PALM2AKAP2: variants seen among roughly 807,000 people sequenced by gnomAD.
PALM2AKAP2 encodes PALM2-AKAP2 fusion protein.
In PALM2AKAP2, 37 loss-of-function variants were observed where a neutral mutation model predicts 71.5. The observed-to-expected ratio is 0.52, with a 90% CI of 0.40 to 0.68. The LOEUF is 0.68. Among genes scored for constraint, PALM2AKAP2 ranks in the 30% least tolerant of loss-of-function variants. The probability of loss-of-function intolerance (pLI) is 0.00; values close to 1 mark genes in which losing one functional copy is unlikely to be tolerated. For synonymous variants in PALM2AKAP2, 468 were observed against 478.8 expected, an observed-to-expected ratio of 0.98 and a Z score of 0.29; for missense variants, 1,224 against 1,191.8, an observed-to-expected ratio of 1.03 and a Z score of -0.40.
intron 6 of PALM2AKAP2, among the ~76,000 whole-genome samples, chr9:109,972,686 C>T (rs1302954244): frequency 6.6e-6 from 1 of 152,204 alleles, no homozygotes; most frequent in Non-Finnish European, 1.5e-5. Flanking sequence ...ATGACCCCAC[C>T]ACCAGTCTGC....
chr9:109,990,198 C>T lies in PALM2AKAP2; in HGVS notation c.497-25756C>T, dbSNP rs111803082. Among the ~76,000 whole-genome samples the T allele has an allele frequency of 6.2e-3, 935 of 151,158 alleles. 7 individuals are homozygous for T. Among genetic ancestry groups the T allele is most frequent in the African/African-American group, 0.021 (852 of 41,332 alleles). ...GTGATTCTCGTGCCTCAGCCTCCCA[C>T]GTAACTGGGGTTATAGAGCCCAGCT... On this transcript the variant is annotated intron_variant, in intron 6 of 9. Transcript: ENST00000302798.
At chr9:109,950,534 G>A (rs1831612508) in intron 6 of PALM2AKAP2, among the ~76,000 whole-genome samples, 2 of 152,100 alleles carry the variant, frequency 1.3e-5, no homozygotes, top group Non-Finnish European at 2.9e-5. Flanking sequence ...GGCTAACAGA[G>A]TTGTCATGTC....
intron 6 of PALM2AKAP2, among the ~76,000 whole-genome samples, chr9:109,999,863 G>A (rs537652849): frequency 2.6e-5 from 4 of 152,114 alleles, no homozygotes; most frequent in Non-Finnish European, 5.9e-5. Flanking sequence ...AGGAGGAGCT[G>A]GCAGCAGAAG....
chr9:109,770,757 CACATCTAGAAGGATATAGGTGTCA>C, intron 1 of PALM2AKAP2, among the ~76,000 whole-genome samples: 1 of 152,264 alleles, frequency 6.6e-6, no homozygotes, highest in Middle Eastern at 3.4e-3. Context: ...CATGTAGAAA[CACATCTAGAAGGATATAGGTGTCA>C]ACATCCAGAA....
chr9:110,027,979 G>A (rs751773355), intron 7 of PALM2AKAP2, among the ~76,000 whole-genome samples: 8 of 152,086 alleles, frequency 5.3e-5, no homozygotes, highest in Non-Finnish European at 7.4e-5. Flanking sequence ...CATAAAGATC[G>A]CTCTAAATTT....
intron 3 of PALM2AKAP2, among the ~76,000 whole-genome samples, chr9:109,918,774 A>G (rs1053142905): frequency 6.6e-6 from 1 of 152,242 alleles, no homozygotes; most frequent in Non-Finnish European, 1.5e-5. Context: ...CCAAGGCCAC[A>G]TGTGAACTTA....
At chr9:109,915,003 T>C (rs1039431999) in intron 3 of PALM2AKAP2, among the ~76,000 whole-genome samples, 1 of 152,228 alleles carries the variant, frequency 6.6e-6, no homozygotes, top group African/African-American at 2.4e-5. Context: ...TTCTGCTCTT[T>C]CTACCACCTC....
chr9:109,963,084 G>C (rs1040865849), intron 6 of PALM2AKAP2, among the ~76,000 whole-genome samples: 38 of 152,188 alleles, frequency 2.5e-4, no homozygotes, highest in African/African-American at 8.7e-4. Context: ...ACATCCTGGA[G>C]GAGTTCGGTT....
intron 1 of PALM2AKAP2, among the ~76,000 whole-genome samples, chr9:109,749,312 G>T (rs912737378): frequency 6.6e-6 from 1 of 152,024 alleles, no homozygotes; most frequent in Non-Finnish European, 1.5e-5. Flanking sequence ...TTAGTCACGC[G>T]CCCCACCATA....
intron 5 of PALM2AKAP2, among the ~76,000 whole-genome samples, chr9:109,926,082 A>G (rs142464241): frequency 2.2e-4 from 34 of 152,292 alleles, no homozygotes; most frequent in African/African-American, 7.9e-4. Flanking sequence ...AAACAAACAA[A>G]AAAGGTCAAC....
intron 1 of PALM2AKAP2, among the ~76,000 whole-genome samples, chr9:110,091,611 T>A (rs113061601): frequency 1.1e-4 from 16 of 151,412 alleles, no homozygotes; most frequent in Non-Finnish European, 2.9e-5. Flanking sequence ...TATAGGCGCC[T>A]GCCTCCACAC....
intron 1 of PALM2AKAP2, among the ~76,000 whole-genome samples, chr9:109,801,487 A>G (rs928946871): frequency 6.6e-6 from 1 of 152,244 alleles, no homozygotes; most frequent in Non-Finnish European, 1.5e-5. Context: ...ACACAGATTC[A>G]TTCGATAAAA....
intron 1 of PALM2AKAP2, chr9:110,090,067 C>T (rs182985709): frequency 6.5e-4 from 138 of 213,364 alleles, no homozygotes; most frequent in African/African-American, 2.4e-3. Context: ...GCTGTGTAAA[C>T]GTAAATACAC....
rs149105338 is a variant in PALM2AKAP2 at position 109,674,526 on chromosome 9, G to A, written c.5+33660G>A. 9.2e-5 allele frequency among the ~76,000 whole-genome samples: 14 copies of A among 152,038 alleles called. No homozygotes were observed. The East Asian group carries it at 2.5e-3, about 27-fold the overall frequency. On this transcript the variant is annotated intron_variant, in intron 1 of 6. Transcript: ENST00000374531. ...TTAACTTTGTGGAGGGTTGATTTTG[G>A]GCTTTGTTAGACTGTCCTAAACTGA...
intron 3 of PALM2AKAP2, among the ~76,000 whole-genome samples, chr9:109,894,754 T>C (rs1263010013): frequency 6.6e-6 from 1 of 152,150 alleles, no homozygotes; most frequent in African/African-American, 2.4e-5. Context: ...CAAAGATGAC[T>C]ATGTGCCCCA....
chr9:109,763,423 T>C (rs1829092656), intron 1 of PALM2AKAP2, among the ~76,000 whole-genome samples: 1 of 152,130 alleles, frequency 6.6e-6, no homozygotes, highest in South Asian at 2.1e-4. Context: ...ATACCTAACT[T>C]CTCTGTGCCT....
intron 7 of PALM2AKAP2, among the ~76,000 whole-genome samples, chr9:110,032,690 CAAAATAAA>C (rs1202249255): frequency 3.0e-5 from 3 of 99,232 alleles, no homozygotes; most frequent in Admixed American, 2.3e-4. Context: ...GATTCTGTCT[CAAAATAAA>C]TAAATAAATA....
At chr9:109,747,321 T>C (rs1260818659) in intron 1 of PALM2AKAP2, among the ~76,000 whole-genome samples, 2 of 152,206 alleles carry the variant, frequency 1.3e-5, no homozygotes, top group African/African-American at 4.8e-5. Context: ...TTGAGGTTTT[T>C]TAAAATTATA....
chr9:110,102,992 G>A (rs2118885298), intron 1 of PALM2AKAP2, among the ~76,000 whole-genome samples: 1 of 152,108 alleles, frequency 6.6e-6, no homozygotes, highest in Non-Finnish European at 1.5e-5. Flanking sequence ...TCCCATCTCA[G>A]GGTTTCTGCA....
Sources: gnomAD v4.1 joint callset for allele counts (sites outside exome capture counted in the v4.1 genomes callset) on GRCh38, gnomAD v4.1.1 for gene constraint, MANE v1.5 for transcripts, NCBI Gene and HGNC (gene_info 2026-07-23, HGNC 2026-07-21) for gene names.